The following GSPT1 variants were observed in gnomAD, a reference collection of about 807,000 sequenced individuals.
GSPT1 encodes the protein G1 to S phase transition 1.
Under a neutral mutation model 72.5 loss-of-function variants are expected in GSPT1, and 20 were observed. That is an observed-to-expected ratio of 0.28 (90% CI 0.19 to 0.40). GSPT1 has a LOEUF of 0.40. Ranked by LOEUF, GSPT1 falls within the 10% of genes least tolerant of loss-of-function variation. The pLI is 1.00. For synonymous variants in GSPT1, 334 were observed against 293.5 expected (o/e 1.14, Z -1.41); for missense variants, 580 against 811.9 (o/e 0.71, Z 3.47).
Position 11,915,915 on chromosome 16 carries a change from G to T in GSPT1, c.-195C>A, listed in dbSNP as rs575355258. On this transcript the variant is annotated 5_prime_UTR_variant, in exon 1 of 15. Coordinates refer to ENST00000434724, the MANE Select transcript of GSPT1 (RefSeq NM_002094.4). The stretch of plus-strand genomic sequence containing the variant: ...CCACACTCGCGACGACGACAGAGGC[G>T]GCGGCGGCGGCAGCTCAACCCTCCT... The T allele has an allele frequency of 1.7e-5, 14 of 816,078 alleles. No individual in the cohort carries two copies. Among genetic ancestry groups the T allele is most frequent in the African/African-American group, 3.4e-5 (2 of 59,232 alleles). 50.6% of individuals were successfully genotyped at this position (816,078 alleles called of 1,614,324 possible). A position where few individuals can be genotyped will look rare whatever the true frequency, so the allele number is the denominator to read the frequency against.
At chr16:11,914,568 A>G (rs1402373959) in intron 1 of GSPT1, among the ~76,000 whole-genome samples, 1 of 152,252 alleles carries the variant, frequency 6.6e-6, no homozygotes, top group African/African-American at 2.4e-5. Context: ...GAACACAGTG[A>G]GTTATTCCAA....
intron 4 of GSPT1, among the ~76,000 whole-genome samples, 193 bp downstream of exon 4, chr16:11,896,365 G>A (rs2054338833): frequency 6.6e-6 from 1 of 152,130 alleles, no homozygotes; most frequent in African/African-American, 2.4e-5. Context: ...TGCCGTTACA[G>A]AATTATTCAT....
At chr16:11,913,000 C>G (rs940835072) in intron 1 of GSPT1, among the ~76,000 whole-genome samples, 2 of 152,172 alleles carry the variant, frequency 1.3e-5, no homozygotes, top group Admixed American at 6.5e-5. Flanking sequence ...AAAAACACAC[C>G]CAGCACAAAT....
In GSPT1 at chr16:11,883,043, C is replaced by G. The variant is rs1233915280; in HGVS notation, c.1400G>C (p.Gly467Ala). Residue 467 changes from glycine to alanine, a missense_variant, in exon 11 of 15, where the codon GGC becomes GCC. This residue lies in a region of GSPT1 where 120 missense variants were observed against 242.5 expected (regional missense o/e 0.49). Coordinates refer to ENST00000434724, the MANE Select transcript of GSPT1 (RefSeq NM_002094.4). The part of the protein sequence containing the change: ...GKLESGSICK[G>A]QQLVMMPNKH... ...GTTTGGCATCATCACAAGCTGCTGG[C>G]CTTTACAAATAGATCCTGATTCCAG... 4 of 1,605,514 alleles carry G rather than the reference C, an allele frequency of 2.5e-6. No individual in the cohort carries two copies. The highest frequency in any genetic ancestry group is 3.4e-6 in the Non-Finnish European group (4 of 1,172,270).
chr16:11,889,329 C>CTTTTTTTTTTTTT (rs902991145), intron 6 of GSPT1, among the ~76,000 whole-genome samples: 1 of 60,072 alleles, frequency 1.7e-5, no homozygotes, highest in African/African-American at 7.5e-5. Context: ...CCCTCTTCTT[C>CTTTTTTTTTTTTT]TTTTTTTTTT....
chr16:11,904,393 G>T (rs540264220), intron 1 of GSPT1, among the ~76,000 whole-genome samples: 2 of 151,936 alleles, frequency 1.3e-5, no homozygotes, highest in Non-Finnish European at 2.9e-5. Flanking sequence ...TAGTAGAGAT[G>T]GGGTTTCACC....
rs991997469 is a variant in GSPT1, at chr16:11,869,986, T to C, written c.*3133A>G. The C allele has an allele frequency of 2.0e-5, 3 of 152,216 alleles. No homozygotes were observed. Among genetic ancestry groups the C allele is most frequent in the South Asian group, 2.1e-4 (1 of 4,834 alleles). The allele number at this position is 152,216 out of a possible 1,614,324, so 9.4% of individuals were successfully genotyped here. On this transcript the variant is annotated 3_prime_UTR_variant, in exon 15 of 15. Coordinates refer to ENST00000434724, the MANE Select transcript of GSPT1 (RefSeq NM_002094.4). ...CTACATCACAGTTCAAAGTCCCATATTGTGAGAGCAGTACTTGTAGTTTAT... is the reference window on the plus strand; with the variant it reads ...CTACATCACAGTTCAAAGTCCCATACTGTGAGAGCAGTACTTGTAGTTTAT...
intron 4 of GSPT1, chr16:11,895,584 G>C (rs2054324837): frequency 1.3e-5 from 2 of 152,418 alleles, no homozygotes; most frequent in African/African-American, 4.8e-5. Context: ...AGATTCAGGT[G>C]CTTTTCCTTT....
Position 11,886,875 on chromosome 16 carries a change from T to G in GSPT1, c.1014A>C (p.Thr338=). 1 of 1,613,726 alleles carries G rather than the reference T, an allele frequency of 6.2e-7. No individual in the cohort carries two copies. Among genetic ancestry groups the G allele is most frequent in the Non-Finnish European group, 8.5e-7 (1 of 1,179,622 alleles). ...FETGFEKGGQ[T]REHAMLAKTA... ...TCTTTGCCAACATTGCATGTTCTCT[T>G]GTCTGTCCTCCTTTTTCAAATCCAG... Residue 338 remains threonine (T), a synonymous_variant, in exon 8 of 15, where the codon ACA becomes ACC. Transcript: ENST00000434724.
chr16:11,908,605 AAAAAATTAGCCGGGCGTAGTGGCGGGCG>A lies in GSPT1; in HGVS notation c.352+6736_352+6763del, dbSNP rs1217707196. On this transcript the variant is annotated intron_variant, in intron 1 of 14. Coordinates refer to ENST00000434724, the MANE Select transcript of GSPT1 (RefSeq NM_002094.4). ...GAAACCCCGTCTCTACTAAAAATAC[AAAAAATTAGCCGGGCGTAGTGGCGGGCG>A]CCTGTAGTCCCAGCTACTTGGGAGA... is the stretch of plus-strand genomic sequence containing the variant. 8 of 105,828 alleles carry A rather than the reference AAAAAATTAGCCGGGCGTAGTGGCGGGCG, an allele frequency of 7.6e-5. 2 individuals are homozygous for A. Among genetic ancestry groups the A allele is most frequent in the African/African-American group, 3.0e-4 (6 of 20,284 alleles). 6.6% of individuals were successfully genotyped at this position (105,828 alleles called of 1,614,324 possible). A position where few individuals can be genotyped will look rare whatever the true frequency, so the allele number is the denominator to read the frequency against.
At chr16:11,893,613 T>A (rs2054297285) in intron 5 of GSPT1, among the ~76,000 whole-genome samples, 3 of 152,322 alleles carry the variant, frequency 2.0e-5, no homozygotes, top group Admixed American at 2.0e-4. Context: ...CTCCTTTCCC[T>A]ATAGCTTTCA....
upstream of GSPT1, among the ~76,000 whole-genome samples, chr16:11,916,253 C>A (rs187453947): frequency 1.3e-5 from 2 of 152,318 alleles, no homozygotes; most frequent in African/African-American, 2.4e-5. Context: ...GGTGGCCGCT[C>A]GGCGGCCCCA....
rs534112286 is a variant in GSPT1 at position 11,892,638 on chromosome 16, C to T, written c.699-1499G>A. Among the ~76,000 whole-genome samples, 7 of 150,724 alleles carry T rather than the reference C, an allele frequency of 4.6e-5. No individual in the cohort carries two copies. The South Asian group carries it at 1.3e-3, about 27-fold the overall frequency. On this transcript the variant is annotated intron_variant, in intron 5 of 14. Transcript: ENST00000434724. ...GGTCAGGAGTTCAAGACCAGCCTGA[C>T]CAACATGGTGAAACCTCATCTCTAC...
chr16:11,903,077 A>G (rs2054436584), intron 1 of GSPT1, among the ~76,000 whole-genome samples: 1 of 149,976 alleles, frequency 6.7e-6, no homozygotes, highest in Non-Finnish European at 1.5e-5. Context: ...TACTGCCCAT[A>G]CTCTCTCCTA....
intron 4 of GSPT1, chr16:11,895,215 C>T (rs937487581): frequency 5.3e-6 from 2 of 378,904 alleles, no homozygotes; most frequent in East Asian, 4.8e-5. Context: ...CGGATGACCT[C>T]AGGTCAGGAG....
Position 11,915,609 on chromosome 16 carries a change from C to G in GSPT1, c.112G>C (p.Ala38Pro). 6.7e-7 allele frequency: 1 copy of G among 1,490,772 alleles called. No homozygotes were observed. The highest frequency in any genetic ancestry group is 8.9e-7 in the Non-Finnish European group (1 of 1,123,870). 92.3% of individuals were successfully genotyped at this position (1,490,772 alleles called of 1,614,324 possible). ...PDCWDQADMEAPGPGPCGGGG... is the reference protein window; with the variant it reads ...PDCWDQADMEPPGPGPCGGGG... Reference sequence around the variant, plus strand: ...CCGCCGCAAGGGCCCGGCCCGGGGGCTTCCATGTCCGCCTGGTCCCAGCAG... The same window carrying G: ...CCGCCGCAAGGGCCCGGCCCGGGGGGTTCCATGTCCGCCTGGTCCCAGCAG... The change falls in exon 1 of 15, where the codon GCC becomes CCC. Residue 38 changes from alanine to proline, a missense_variant. This residue lies in a region of GSPT1 where 327 missense variants were observed against 298.8 expected (regional missense o/e 1.09). Transcript: ENST00000434724.
At chr16:11,873,266 TACAATG>T (rs1418032339) in intron 14 of GSPT1, 95 bp from the exon 15 acceptor site, 1 of 643,732 alleles carries the variant, frequency 1.6e-6, no homozygotes, top group African/African-American at 1.8e-5. Flanking sequence ...AAATATTTTT[TACAATG>T]TAAGTTACTA....
At position 11,884,873 on chromosome 16, in the gene GSPT1, C is replaced by T. The variant is rs113521546; in HGVS notation, c.1347+308G>A. ...CACAAGGTCAGGAGATCGAGACCAT[C>T]CTGGCTGACACAGTGAAACCCCGTC... On this transcript the variant is annotated intron_variant, in intron 10 of 14. Transcript: ENST00000434724. Among the ~76,000 whole-genome samples, 921 of 151,756 alleles carry T rather than the reference C, an allele frequency of 6.1e-3. 13 individuals are homozygous for T. Among genetic ancestry groups the T allele is most frequent in the African/African-American group, 0.021 (866 of 41,396 alleles).
chr16:11,906,668 A>G (rs1260144425), intron 1 of GSPT1, among the ~76,000 whole-genome samples: 1 of 152,228 alleles, frequency 6.6e-6, no homozygotes, highest in Non-Finnish European at 1.5e-5. Context: ...ATTTTAAATT[A>G]ACTATGTGGT....
Sources: gnomAD v4.1 joint callset for allele counts (sites outside exome capture counted in the v4.1 genomes callset) on GRCh38, gnomAD v4.1.1 for gene constraint, gnomAD v4.1.1 regional missense constraint, MANE v1.5 for transcripts, NCBI Gene and HGNC (gene_info 2026-07-23, HGNC 2026-07-21) for gene names.